The following ZNF804B variants were observed in gnomAD, a reference collection of about 807,000 sequenced individuals.
ZNF804B encodes the protein zinc finger protein 804B.
Under a neutral mutation model 101.4 loss-of-function variants are expected in ZNF804B, and 80 were observed. The observed-to-expected ratio is 0.79, with a 90% CI of 0.66 to 0.95. The LOEUF is 0.95. Ranked by LOEUF, ZNF804B falls within the 40% of genes least tolerant of loss-of-function variation. The pLI is 0.00. For synonymous variants in ZNF804B, 622 were observed against 558.8 expected, an observed-to-expected ratio of 1.11 and a Z score of -1.59; for missense variants, 1,673 against 1,561.9, an observed-to-expected ratio of 1.07 and a Z score of -1.20.
chr7:89,245,722 C>G lies in ZNF804B; in HGVS notation c.249+27427C>G, dbSNP rs543034598. 3.5e-4 allele frequency among the ~76,000 whole-genome samples: 53 copies of G among 152,202 alleles called. 2 individuals are homozygous for G. In the South Asian group the frequency reaches 0.011, roughly 30 times the overall value. On this transcript the variant is annotated intron_variant, in intron 2 of 3. Coordinates refer to ENST00000333190, the MANE Select transcript of ZNF804B (RefSeq NM_181646.5). ...AATATTAACTCTGTGAGGTTTGATTCAAGAAAGACAATGGGAATCCACCAG... is the reference window on the plus strand; with the variant it reads ...AATATTAACTCTGTGAGGTTTGATTGAAGAAAGACAATGGGAATCCACCAG...
intron 2 of ZNF804B, among the ~76,000 whole-genome samples, chr7:89,274,675 T>C (rs1029553996): frequency 2.0e-5 from 3 of 151,790 alleles, no homozygotes; most frequent in Non-Finnish European, 2.9e-5. Context: ...TTTGTACTTA[T>C]CTCTTTTAAC....
At chr7:88,802,476 A>G (rs1432952736) in intron 1 of ZNF804B, among the ~76,000 whole-genome samples, 3 of 151,802 alleles carry the variant, frequency 2.0e-5, no homozygotes, top group Non-Finnish European at 4.4e-5. Flanking sequence ...TACTAATTGT[A>G]GTAAAGTTTC....
At chr7:89,265,348 A>C (rs1268412192) in intron 2 of ZNF804B, among the ~76,000 whole-genome samples, 1 of 152,162 alleles carries the variant, frequency 6.6e-6, no homozygotes, top group East Asian at 1.9e-4. Flanking sequence ...GATTTGGGAT[A>C]TTTTAGTAAA....
intron 1 of ZNF804B, among the ~76,000 whole-genome samples, chr7:89,101,135 G>A (rs190227709): frequency 9.2e-5 from 14 of 152,084 alleles, no homozygotes; most frequent in African/African-American, 3.4e-4. Flanking sequence ...AGCAGTTTTA[G>A]TGCACACAGT....
chr7:88,833,404 G>C (rs528361493), intron 1 of ZNF804B, among the ~76,000 whole-genome samples: 1 of 151,840 alleles, frequency 6.6e-6, no homozygotes, highest in Non-Finnish European at 1.5e-5. Context: ...GCAGTAGTGA[G>C]GGTTAACAGG....
chr7:89,050,815 A>T (rs1789190778), intron 1 of ZNF804B, among the ~76,000 whole-genome samples: 1 of 152,118 alleles, frequency 6.6e-6, no homozygotes. Flanking sequence ...TTCCCACCTA[A>T]GTCCCTCTTA....
At chr7:89,017,011 T>C (rs570007875) in intron 1 of ZNF804B, among the ~76,000 whole-genome samples, 3 of 152,318 alleles carry the variant, frequency 2.0e-5, no homozygotes, top group Admixed American at 6.5e-5. Context: ...TTTTATTTCA[T>C]TGAGCTGTGG....
At chr7:88,816,617 C>A (rs111725723) in intron 1 of ZNF804B, among the ~76,000 whole-genome samples, 6,658 of 148,072 alleles carry the variant, frequency 0.045, 244 homozygotes, top group East Asian at 0.24. Flanking sequence ...ATGCAGCCAA[C>A]AGACACATGA....
chr7:89,197,166 G>GT (rs1562912496), intron 1 of ZNF804B, among the ~76,000 whole-genome samples: 2 of 151,784 alleles, frequency 1.3e-5, no homozygotes, highest in African/African-American at 2.4e-5. Context: ...ATTTACCTAT[G>GT]TAACAATCCT....
intron 1 of ZNF804B, among the ~76,000 whole-genome samples, chr7:89,024,904 A>G (rs559959668): frequency 2.5e-4 from 38 of 152,090 alleles, no homozygotes; most frequent in African/African-American, 8.7e-4. Flanking sequence ...AAATGAAAAA[A>G]ACAAACAAAA....
chr7:88,932,969 C>T (rs959457554), intron 1 of ZNF804B, among the ~76,000 whole-genome samples: 1 of 151,530 alleles, frequency 6.6e-6, no homozygotes, highest in Non-Finnish European at 1.5e-5. Flanking sequence ...ACCCTAATAC[C>T]AAAACCATGA....
chr7:89,334,881 GT>G lies in ZNF804B; in HGVS notation c.1902del (p.Phe634LeufsTer6). 1 of 1,613,722 alleles carries G rather than the reference GT, an allele frequency of 6.2e-7. No homozygotes were observed. The highest frequency in any genetic ancestry group is 1.3e-5 in the African/African-American group (1 of 74,988). On this transcript the variant is annotated frameshift_variant, in exon 4 of 4. Coordinates refer to ENST00000333190, the MANE Select transcript of ZNF804B (RefSeq NM_181646.5). LOFTEE classifies it high-confidence loss of function. Reference protein sequence around the residue: ...DLSFPSYISRFKKHKLIPCSP... With the variant: ...DLSFPSYISRXKKHKLIPCSP... ...TATCTTTTCCTTCCTACATCTCTAG[GT>G]TTAAAAAGCATAAATTGATTCCCTG...
chr7:89,163,680 T>A (rs1430218851), intron 1 of ZNF804B, among the ~76,000 whole-genome samples: 1 of 152,118 alleles, frequency 6.6e-6, no homozygotes, highest in Non-Finnish European at 1.5e-5. Flanking sequence ...AAAAAATGTA[T>A]TTTTAATAAT....
intron 1 of ZNF804B, among the ~76,000 whole-genome samples, chr7:88,801,527 T>C (rs1476697535): frequency 6.6e-6 from 1 of 152,134 alleles, no homozygotes; most frequent in African/African-American, 2.4e-5. Flanking sequence ...AAGTGATCCC[T>C]CTTATCTTCT....
chr7:89,206,186 C>A (rs924751616), intron 1 of ZNF804B, among the ~76,000 whole-genome samples: 2 of 152,182 alleles, frequency 1.3e-5, no homozygotes, highest in African/African-American at 4.8e-5. Context: ...CCCATAAAAC[C>A]ATTTTTCCCT....
intron 1 of ZNF804B, among the ~76,000 whole-genome samples, chr7:88,807,960 C>T (rs941654225): frequency 2.0e-5 from 3 of 152,156 alleles, no homozygotes; most frequent in African/African-American, 4.8e-5. Flanking sequence ...AAATTGTAAA[C>T]TGTCTGGTTG....
Position 89,336,130 on chromosome 7 carries a change from G to A in ZNF804B, c.3148G>A (p.Glu1050Lys). ...LNIKRDATTK[E>K]QSKPLISEIQ... ...CATAAAAAGGGATGCAACAACAAAA[G>A]AACAATCAAAACCTTTAATTAGTGA... Residue 1050 changes from glutamate to lysine, a missense_variant, in exon 4 of 4, where the codon GAA becomes AAA. Transcript: ENST00000333190. The A allele has an allele frequency of 6.2e-7, 1 of 1,613,786 alleles. No individual in the cohort carries two copies. Among genetic ancestry groups the A allele is most frequent in the South Asian group, 1.1e-5 (1 of 91,082 alleles).
At chr7:89,317,376 G>T (rs1297317799) in intron 2 of ZNF804B, among the ~76,000 whole-genome samples, 5 of 152,180 alleles carry the variant, frequency 3.3e-5, no homozygotes, top group Non-Finnish European at 7.3e-5. Flanking sequence ...TGGGAAAAGA[G>T]CAGAAAAATT....
chr7:89,023,840 GCAC>G (rs1788705890), intron 1 of ZNF804B, among the ~76,000 whole-genome samples: 1 of 152,120 alleles, frequency 6.6e-6, no homozygotes, highest in African/African-American at 2.4e-5. Context: ...TTTGACTGAA[GCAC>G]AACATCACTC....
Sources: gnomAD v4.1 joint callset for allele counts (sites outside exome capture counted in the v4.1 genomes callset) on GRCh38, gnomAD v4.1.1 for gene constraint, MANE v1.5 for transcripts, NCBI Gene and HGNC (gene_info 2026-07-23, HGNC 2026-07-21) for gene names.